GPM6B: variants seen among roughly 807,000 people sequenced by gnomAD.
GPM6B encodes the protein neuronal membrane glycoprotein M6-b.
A neutral mutation model predicts 27.2 loss-of-function variants in GPM6B; 4 were observed. The ratio of observed to expected loss-of-function variants is 0.15; its 90% CI spans 0.07 to 0.34. The LOEUF (loss-of-function observed/expected upper bound fraction) is 0.34. Ranked by LOEUF, GPM6B falls within the 10% of genes least tolerant of loss-of-function variation. The pLI is 1.00. For synonymous variants in GPM6B, 124 were observed against 103.1 expected, an observed-to-expected ratio of 1.20 and a Z score of -1.23; for missense variants, 183 against 261.9, an observed-to-expected ratio of 0.70 and a Z score of 2.08.
intron 1 of GPM6B, among the ~76,000 whole-genome samples, chrX:13,843,771 G>C (rs1270629969): frequency 1.8e-5 from 2 of 111,272 alleles, no homozygotes; most frequent in African/African-American, 6.5e-5. Context: ...TTTTTATTTT[G>C]GGTTGTCTTA....
At position 13,774,745 on chromosome X, in the gene GPM6B, TAAAATCAC is replaced by T. The variant is rs952687905; in HGVS notation, c.837+1485_837+1492del. ...TAGTCTAAGGTGTTTTTTTCCCACT[TAAAATCAC>T]AACAGACAATTTTCCTATCTAGCAC... On this transcript the variant is annotated intron_variant, in intron 7 of 7. Transcript: ENST00000316715. 6.0e-6 allele frequency: 3 copies of T among 500,466 alleles called. No individual in the cohort carries two copies. In the African/African-American group the frequency reaches 7.1e-5, roughly 12 times the overall value. 41.2% of individuals were successfully genotyped at this position (500,466 alleles called of 1,213,427 possible).
At chrX:13,795,139 A>C (rs986353384) in intron 2 of GPM6B, among the ~76,000 whole-genome samples, 1 of 112,283 alleles carries the variant, frequency 8.9e-6, no homozygotes, top group Non-Finnish European at 1.9e-5. Context: ...TAACCAATGA[A>C]ATTTTTTTGA....
At chrX:13,856,449 CT>C (rs1315274987) in intron 1 of GPM6B, among the ~76,000 whole-genome samples, 2 of 111,948 alleles carry the variant, frequency 1.8e-5, no homozygotes, top group African/African-American at 3.3e-5. Context: ...TCAGACCCCC[CT>C]GAATCAGAAT....
chrX:13,871,114 CAAAAAA>C (rs372420351), intron 1 of GPM6B, among the ~76,000 whole-genome samples: 1 of 95,126 alleles, frequency 1.1e-5, no homozygotes, highest in African/African-American at 3.9e-5. Flanking sequence ...CAAAACAAAA[CAAAAAA>C]AAAAGAAGTT....
chrX:13,930,084 G>A (rs141917365), intron 1 of GPM6B, among the ~76,000 whole-genome samples: 2,718 of 111,519 alleles, frequency 0.024, 90 homozygotes, highest in African/African-American at 0.082. Flanking sequence ...CCAAAGATCA[G>A]GTTTAAATAC....
chrX:13,778,614 C>G (rs1451506314), intron 5 of GPM6B, among the ~76,000 whole-genome samples: 2 of 112,071 alleles, frequency 1.8e-5, no homozygotes, highest in African/African-American at 6.5e-5. Context: ...CTTTATACTT[C>G]AGAAGCATGG....
chrX:13,938,615 G>T, upstream of GPM6B: 1 of 387,619 alleles, frequency 2.6e-6, no homozygotes, highest in Non-Finnish European at 3.9e-6. Context: ...CACGTGCGCT[G>T]ACCGGGCTTC....
intron 1 of GPM6B, among the ~76,000 whole-genome samples, chrX:13,917,991 T>G: frequency 8.9e-6 from 1 of 112,784 alleles, no homozygotes; most frequent in Non-Finnish European, 1.9e-5. Context: ...GTTAATACAG[T>G]CATTAAGATA....
At chrX:13,866,749 G>T (rs1457313579) in intron 1 of GPM6B, among the ~76,000 whole-genome samples, 2 of 111,892 alleles carry the variant, frequency 1.8e-5, no homozygotes, top group Non-Finnish European at 3.8e-5. Context: ...GTCCCAAATT[G>T]ATTAGAAGAT....
chrX:13,838,025 A>G (rs1332355765), intron 1 of GPM6B, among the ~76,000 whole-genome samples: 1 of 110,890 alleles, frequency 9.0e-6, no homozygotes, highest in African/African-American at 3.3e-5. Flanking sequence ...GACAAAATAA[A>G]GAAATCCAGT....
chrX:13,925,615 T>C (rs1921133225), intron 1 of GPM6B, among the ~76,000 whole-genome samples: 1 of 107,679 alleles, frequency 9.3e-6, no homozygotes, highest in African/African-American at 3.4e-5. Context: ...CTTTAAAAAA[T>C]GCCACAAAAA....
chrX:13,836,152 C>G (rs2049492389), intron 1 of GPM6B, among the ~76,000 whole-genome samples: 1 of 112,062 alleles, frequency 8.9e-6, no homozygotes, highest in South Asian at 3.7e-4. Context: ...CAACCAGTAG[C>G]AGTTTGCACT....
chrX:13,894,329 T>C (rs2050213278), intron 1 of GPM6B, among the ~76,000 whole-genome samples: 1 of 111,920 alleles, frequency 8.9e-6, no homozygotes, highest in Non-Finnish European at 1.9e-5. Context: ...ACCTCTTAGA[T>C]CGAAGACTTG....
rs780097475 is a variant in GPM6B at position 13,779,917 on chromosome X, T to A, written c.598A>T (p.Met200Leu). 1.7e-6 allele frequency: 2 copies of A among 1,200,741 alleles called. No individual in the cohort carries two copies. Among genetic ancestry groups the A allele is most frequent in the African/African-American group, 3.5e-5 (2 of 56,931 alleles). Reference sequence around the variant, plus strand: ...CAAGTTGACCATATGTTGTAGAACATAAACACGGGCACCGCTGAGAAACCA... The same window carrying A: ...CAAGTTGACCATATGTTGTAGAACAAAAACACGGGCACCGCTGAGAAACCA... ...VFGFSAVPVF[M>L]FYNIWSTCEV... Residue 200 changes from methionine to leucine, a missense_variant, in exon 5 of 8, where the codon ATG (methionine) becomes TTG (leucine). By Grantham distance (15) the Met-to-Leu change is conservative (BLOSUM62 2). Transcript: ENST00000316715.
chrX:13,868,056 G>C (rs2049937678), intron 1 of GPM6B, among the ~76,000 whole-genome samples: 1 of 111,625 alleles, frequency 9.0e-6, no homozygotes, highest in African/African-American at 3.3e-5. Context: ...CTAGCACGGT[G>C]CCTCTTTCTG....
At chrX:13,863,322 G>GA (rs200067559) in intron 1 of GPM6B, among the ~76,000 whole-genome samples, 14 of 111,518 alleles carry the variant, frequency 1.3e-4, no homozygotes, top group Non-Finnish European at 1.7e-4. Context: ...AGACTATTGG[G>GA]AAAAAAAATT....
chrX:13,871,873 C>T (rs941354841), intron 1 of GPM6B, among the ~76,000 whole-genome samples: 6 of 111,819 alleles, frequency 5.4e-5, no homozygotes, highest in African/African-American at 2.0e-4. Context: ...TGAGCAGTAG[C>T]CCTTGATTCC....
chrX:13,919,659 A>G (rs1319954457), intron 1 of GPM6B, among the ~76,000 whole-genome samples: 5 of 112,430 alleles, frequency 4.4e-5, no homozygotes. Context: ...TTATACACCT[A>G]TATTTAGTTA....
chrX:13,865,559 A>AAGAAAG (rs1555923733), intron 1 of GPM6B, among the ~76,000 whole-genome samples: 2 of 52,929 alleles, frequency 3.8e-5, no homozygotes, highest in East Asian at 2.0e-3. Flanking sequence ...AAAAAAAAAA[A>AAGAAAG]AAAGAAAGAA....
Sources: gnomAD v4.1 joint callset for allele counts (sites outside exome capture counted in the v4.1 genomes callset) on GRCh38, gnomAD v4.1.1 for gene constraint, MANE v1.5 for transcripts, NCBI Gene and HGNC (gene_info 2026-07-23, HGNC 2026-07-21) for gene names.